Variants in PLAC8L1 observed in about 807,000 individuals in gnomAD.
PLAC8L1 encodes PLAC8 like 1.
In PLAC8L1, 13 loss-of-function variants were observed where a neutral mutation model predicts 16.3. The observed-to-expected ratio is 0.80, with a 90% CI of 0.52 to 1.27. PLAC8L1 has a LOEUF of 1.27. Ranked by LOEUF, PLAC8L1 falls within the 50% of genes most tolerant of loss-of-function variation. The pLI is 0.00. For missense variants in PLAC8L1, 184 were observed against 220.2 expected, an observed-to-expected ratio of 0.84 and a Z score of 1.04; for synonymous variants, 78 against 79.3, an observed-to-expected ratio of 0.98 and a Z score of 0.09.
At chr5:146,098,446 C>T (rs6892928) in intron 1 of PLAC8L1, among the ~76,000 whole-genome samples, 154 bp from the exon 2 acceptor site, 60,769 of 152,080 alleles carry the variant, frequency 0.4, 12,779 homozygotes, top group African/African-American at 0.51. Flanking sequence ...TCCCTCCTCC[C>T]CCTCCATCAT....
At chr5:146,098,627 G>C (rs1199452771) in intron 1 of PLAC8L1, among the ~76,000 whole-genome samples, 1 of 152,230 alleles carries the variant, frequency 6.6e-6, no homozygotes, top group Admixed American at 6.5e-5. Context: ...CTGGAGGCTT[G>C]ACCTTGGTTA....
rs533350383 is a variant in PLAC8L1 at position 146,091,206 on chromosome 5, T to C, written c.257-5609A>G. ...GTTACATCATCTAGGACCTAGTGATTCCACTTATCAGTGTCCACCCTGTAT... is the reference window on the plus strand; with the variant it reads ...GTTACATCATCTAGGACCTAGTGATCCCACTTATCAGTGTCCACCCTGTAT... On this transcript the variant is annotated intron_variant, in intron 2 of 3. Transcript: ENST00000311450. Among the ~76,000 whole-genome samples the C allele has an allele frequency of 2.0e-5, 3 of 152,322 alleles. No homozygotes were observed. In the South Asian group the frequency reaches 6.2e-4, roughly 32 times the overall value.
intron 1 of PLAC8L1, among the ~76,000 whole-genome samples, chr5:146,099,988 C>T (rs1353442412): frequency 1.3e-5 from 2 of 152,158 alleles, no homozygotes; most frequent in Non-Finnish European, 2.9e-5. Flanking sequence ...CAAGCCTTCC[C>T]TCGGACCAAC....
rs750157531 is a variant in PLAC8L1 at position 146,084,554 on chromosome 5, A to T, written c.412T>A (p.Trp138Arg). The part of the protein sequence containing the change: ...HKIQGTLCED[W>R]LAVHCCWAFS... ...GCCCAACAGCAGTGCACCGCCAGCC[A>T]GTCTTCACACAGTGTGCCCTAGGGC... The change falls in exon 4 of 4, where the codon TGG (tryptophan) becomes AGG (arginine). Residue 138 changes from tryptophan (W) to arginine (R), a missense_variant. Transcript: ENST00000311450. 6.2e-7 allele frequency: 1 copy of T among 1,613,880 alleles called. No individual in the cohort carries two copies. Among genetic ancestry groups the T allele is most frequent in the South Asian group, 1.1e-5 (1 of 91,078 alleles).
At position 146,103,756 on chromosome 5, in the gene PLAC8L1, G is replaced by A. The variant is rs1763861945; in HGVS notation, c.119+437C>T. On this transcript the variant is annotated intron_variant, in intron 1 of 3. Coordinates refer to ENST00000311450, the MANE Select transcript of PLAC8L1 (RefSeq NM_001029869.3). ...ACAAGCCCTACCATGTCTCCCACAT[G>A]CCTGGTTCTTCAGCCTGGGGTGTTA... 8.1e-6 allele frequency: 8 copies of A among 985,190 alleles called. No homozygotes were observed. In the South Asian group the frequency reaches 1.4e-4, roughly 17 times the overall value. The allele number at this position is 985,190 out of a possible 1,614,324, so 61.0% of individuals were successfully genotyped here. A position where few individuals can be genotyped will look rare whatever the true frequency, so the allele number is the denominator to read the frequency against.
Position 146,086,099 on chromosome 5 carries a change from G to A in PLAC8L1, c.257-502C>T, listed in dbSNP as rs1210848890. The stretch of plus-strand genomic sequence containing the variant: ...GGCTGGAGTGCAGTGGCGGGATCTC[G>A]GCTCACTGCAAGCTCCGCCTCCCGG... On this transcript the variant is annotated intron_variant, in intron 2 of 3. Coordinates refer to ENST00000311450, the MANE Select transcript of PLAC8L1 (RefSeq NM_001029869.3). 7.9e-5 allele frequency among the ~76,000 whole-genome samples: 11 copies of A among 139,416 alleles called. No individual in the cohort carries two copies. In the Admixed American group the frequency reaches 8.4e-4, roughly 11 times the overall value. The allele number at this position is 139,416 out of a possible 152,430, so 91.5% of individuals were successfully genotyped here.
chr5:146,087,115 T>C (rs916669272), intron 2 of PLAC8L1, among the ~76,000 whole-genome samples: 1 of 152,236 alleles, frequency 6.6e-6, no homozygotes, highest in African/African-American at 2.4e-5. Context: ...TTCAACTTCA[T>C]ATTAATGAAA....
chr5:146,104,358 GC>G lies in PLAC8L1; in HGVS notation c.-48del. On this transcript the variant is annotated 5_prime_UTR_variant, in exon 1 of 4. An upstream open reading frame in the 5' UTR gains an earlier in-frame stop. Coordinates refer to ENST00000311450, the MANE Select transcript of PLAC8L1 (RefSeq NM_001029869.3). ...CTTTGGGCTATCCTTTTTCCCTTTG[GC>G]AATAAGCTGGTTTCTAAACTTCGGA... The G allele has an allele frequency of 6.9e-7, 1 of 1,441,260 alleles. No individual in the cohort carries two copies. The highest frequency in any genetic ancestry group is 1.1e-5 in the South Asian group (1 of 86,968). The allele number at this position is 1,441,260 out of a possible 1,614,324, so 89.3% of individuals were successfully genotyped here. A position where few individuals can be genotyped will look rare whatever the true frequency, so the allele number is the denominator to read the frequency against.
chr5:146,085,734 C>T (rs1763500163), intron 2 of PLAC8L1, 137 bp from the exon 3 acceptor site: 1 of 986,716 alleles, frequency 1.0e-6, no homozygotes. Flanking sequence ...GAATAAATAA[C>T]CAATTCCCAA....
chr5:146,098,374 G>T, intron 1 of PLAC8L1, 82 bp from the exon 2 acceptor site: 1 of 1,419,196 alleles, frequency 7.0e-7, no homozygotes. Context: ...GAACCATAAA[G>T]AAGAGATAGG....
At chr5:146,103,145 G>A (rs1763849064) in intron 1 of PLAC8L1, among the ~76,000 whole-genome samples, 1 of 152,158 alleles carries the variant, frequency 6.6e-6, no homozygotes, top group Non-Finnish European at 1.5e-5. Flanking sequence ...TTAAATCCAT[G>A]AGCAAGACTC....
intron 1 of PLAC8L1, among the ~76,000 whole-genome samples, chr5:146,101,992 T>C (rs1005653287): frequency 2.0e-5 from 3 of 152,024 alleles, no homozygotes; most frequent in Admixed American, 6.6e-5. Context: ...ACTAACAGGA[T>C]AGCTTTTCCT....
intron 1 of PLAC8L1, chr5:146,103,790 T>C: frequency 1.0e-6 from 1 of 985,442 alleles, no homozygotes; most frequent in Non-Finnish European, 1.2e-6. Context: ...TACATGTCAC[T>C]CTTCCGTAAT....
chr5:146,086,478 C>G (rs1257432319), intron 2 of PLAC8L1, among the ~76,000 whole-genome samples: 1 of 152,180 alleles, frequency 6.6e-6, no homozygotes, highest in Admixed American at 6.5e-5. Flanking sequence ...GGGCTTGGTT[C>G]CTTGAACATC....
At position 146,098,229 on chromosome 5, in the gene PLAC8L1, T is replaced by C; in HGVS notation, c.183A>G (p.Thr61=). ...CGCCAGTCTGGACAATTGCTGTGAT[T>C]GTCGTCCTGCCACTGGCTCCCCGAA... The part of the protein sequence containing the change: ...QPVRGASGRT[T]ITAIVQTGGG... Residue 61 remains threonine (T), a synonymous_variant, in exon 2 of 4, where the codon ACA becomes ACG. Coordinates refer to ENST00000311450, the MANE Select transcript of PLAC8L1 (RefSeq NM_001029869.3). 6.2e-7 allele frequency: 1 copy of C among 1,614,156 alleles called. No individual in the cohort carries two copies. Among genetic ancestry groups the C allele is most frequent in the Middle Eastern group, 1.6e-4 (1 of 6,062 alleles).
chr5:146,087,690 T>C (rs570143089), intron 2 of PLAC8L1, among the ~76,000 whole-genome samples: 2 of 152,210 alleles, frequency 1.3e-5, no homozygotes, highest in South Asian at 4.1e-4. Flanking sequence ...CCACATCCAG[T>C]GTATTAGTCT....
chr5:146,091,932 A>C (rs909470639), intron 2 of PLAC8L1, among the ~76,000 whole-genome samples: 10 of 152,140 alleles, frequency 6.6e-5, no homozygotes, highest in African/African-American at 2.2e-4. Flanking sequence ...GCTCAGGTTC[A>C]AAAGGGATAA....
intron 2 of PLAC8L1, among the ~76,000 whole-genome samples, chr5:146,093,814 C>T (rs1321981910): frequency 6.6e-6 from 1 of 152,126 alleles, no homozygotes; most frequent in African/African-American, 2.4e-5. Context: ...TTGCTTTCTT[C>T]TTCCTACCTT....
chr5:146,101,141 G>A (rs1056970635), intron 1 of PLAC8L1, among the ~76,000 whole-genome samples: 3 of 146,934 alleles, frequency 2.0e-5, no homozygotes, highest in African/African-American at 5.1e-5. Flanking sequence ...AGGCTGCAAT[G>A]AGCCGAGATT....
Sources: allele counts gnomAD v4.1 joint callset (sites outside exome capture counted in the v4.1 genomes callset), GRCh38; gene constraint gnomAD v4.1.1; transcripts MANE v1.5; gene names NCBI Gene and HGNC (gene_info 2026-07-23, HGNC 2026-07-21).